Variants in NRXN2 observed in about 807,000 individuals in gnomAD.
NRXN2 encodes neurexin-2-beta.
NRXN2 carries 29 observed loss-of-function variants against 128.8 expected under a neutral mutation model. That is an observed-to-expected ratio of 0.23 (90% CI 0.17 to 0.31). NRXN2 has a LOEUF of 0.31. NRXN2 is among the 10% of genes least tolerant of loss of function. The pLI is 1.00. For synonymous variants in NRXN2, 1,098 were observed against 1,075.2 expected, an observed-to-expected ratio of 1.02 and a Z score of -0.41; for missense variants, 1,881 against 2,452.6, an observed-to-expected ratio of 0.77 and a Z score of 4.92.
intron 6 of NRXN2, among the ~76,000 whole-genome samples, chr11:64,682,240 T>C (rs952047211): frequency 6.0e-5 from 9 of 150,142 alleles, no homozygotes; most frequent in East Asian, 4.0e-4. Flanking sequence ...TCCCCCATTA[T>C]TGGGGACTCC....
At chr11:64,640,273 C>T (rs573125408) in intron 17 of NRXN2, among the ~76,000 whole-genome samples, 215 of 152,330 alleles carry the variant, frequency 1.4e-3, no homozygotes, top group African/African-American at 4.9e-3. Context: ...TGCTCCTTCA[C>T]GGAATCTTCC....
At chr11:64,688,400 A>C (rs1328761244) in intron 5 of NRXN2, 1 of 985,326 alleles carries the variant, frequency 1.0e-6, no homozygotes, top group Non-Finnish European at 1.2e-6. Context: ...GCAAGTGTGG[A>C]AAGAAAACCC....
At position 64,648,629 on chromosome 11, in the gene NRXN2, G is replaced by A; in HGVS notation, c.3283+105C>T. On this transcript the variant is annotated intron_variant, in intron 16 of 22. Coordinates refer to ENST00000265459, the MANE Select transcript of NRXN2 (RefSeq NM_015080.4). The surrounding 1 kb of genome is among the most constrained non-coding windows in gnomAD (Gnocchi z 4.1). ...GGCAAGCTCCCATAAGGCCTGAGAA[G>A]GAAGGCCCCTTGGCAGAGCAAAGGC... 1.4e-6 allele frequency: 2 copies of A among 1,477,990 alleles called. No homozygotes were observed. Among genetic ancestry groups the A allele is most frequent in the South Asian group, 2.3e-5 (2 of 87,308 alleles). The allele number at this position is 1,477,990 out of a possible 1,614,324, so 91.6% of individuals were successfully genotyped here.
At chr11:64,612,649 G>C (rs1051725521) in intron 22 of NRXN2, among the ~76,000 whole-genome samples, 1 of 152,226 alleles carries the variant, frequency 6.6e-6, no homozygotes, top group Non-Finnish European at 1.5e-5. Flanking sequence ...TTAGGGCACA[G>C]AAGGCCCCTG....
At chr11:64,699,762 G>A (rs1248178718) in intron 2 of NRXN2, among the ~76,000 whole-genome samples, 1 of 152,100 alleles carries the variant, frequency 6.6e-6, no homozygotes, top group Non-Finnish European at 1.5e-5. Context: ...GGGGGAGCTG[G>A]CTAATAAAGG....
At chr11:64,641,244 C>T (rs57387921) in intron 17 of NRXN2, among the ~76,000 whole-genome samples, 17,053 of 151,522 alleles carry the variant, frequency 0.11, 1,462 homozygotes, top group East Asian at 0.29. Flanking sequence ...TGAGATGGGA[C>T]AGGATGGGAT....
At position 64,648,891 on chromosome 11, in the gene NRXN2, G is replaced by A. The variant is rs369786339; in HGVS notation, c.3126C>T (p.Gly1042=). The A allele has an allele frequency of 1.5e-5, 24 of 1,614,034 alleles. No homozygotes were observed. The highest frequency in any genetic ancestry group is 3.3e-4 in the Middle Eastern group (2 of 6,084). The change falls in exon 16 of 23, where the codon GGC becomes GGT. Residue 1042 remains glycine (G), a synonymous_variant. Coordinates refer to ENST00000265459, the MANE Select transcript of NRXN2 (RefSeq NM_015080.4). This position sits in a 1 kb window ranked among gnomAD's most constrained non-coding sequence, Gnocchi z 4.1. Reference sequence around the variant, plus strand: ...TGCTGAACATATTCTTGCTCAGACCGCCAATGTACAACTCCCCTGCAAAGG... The same window carrying A: ...TGCTGAACATATTCTTGCTCAGACCACCAATGTACAACTCCCCTGCAAAGG... ...NLDLKGELYI[G]GLSKNMFSNL...
chr11:64,668,417 T>A (rs2050184011), intron 8 of NRXN2, 26 bp downstream of exon 8: 2 of 1,612,332 alleles, frequency 1.2e-6, no homozygotes, highest in Non-Finnish European at 1.7e-6. Flanking sequence ...CTGAACAGCC[T>A]GCAGCCCCTC....
chr11:64,615,865 T>C (rs2041417265), intron 22 of NRXN2, among the ~76,000 whole-genome samples: 1 of 143,174 alleles, frequency 7.0e-6, no homozygotes, highest in Admixed American at 7.3e-5. Context: ...TGTGTGTGTG[T>C]GTGTATGTGT....
At chr11:64,618,009 C>T (rs1437384402) in intron 22 of NRXN2, among the ~76,000 whole-genome samples, 1 of 152,164 alleles carries the variant, frequency 6.6e-6, no homozygotes, top group Non-Finnish European at 1.5e-5. Flanking sequence ...CCCTCTCTAT[C>T]CCAGGCTTCT....
chr11:64,672,838 A>G (rs2050807158), intron 7 of NRXN2, among the ~76,000 whole-genome samples: 2 of 152,216 alleles, frequency 1.3e-5, no homozygotes, highest in South Asian at 2.1e-4. Context: ...AAGACACACC[A>G]TGAAGATGGA....
At chr11:64,693,861 A>T (rs961103152) in intron 3 of NRXN2, among the ~76,000 whole-genome samples, 5 of 152,166 alleles carry the variant, frequency 3.3e-5, no homozygotes, top group African/African-American at 1.2e-4. Flanking sequence ...TTCATAAATT[A>T]CAGACCCCCT....
At chr11:64,710,601 T>C (rs1208671189) in intron 2 of NRXN2, among the ~76,000 whole-genome samples, 2 of 152,122 alleles carry the variant, frequency 1.3e-5, no homozygotes, top group African/African-American at 2.4e-5. Context: ...GAGCTTTCCC[T>C]CCATCAAATC....
At chr11:64,633,725 G>A (rs896990061) in intron 18 of NRXN2, among the ~76,000 whole-genome samples, 22 of 151,978 alleles carry the variant, frequency 1.4e-4, no homozygotes, top group South Asian at 4.2e-4. Context: ...TGTCACAGCC[G>A]TCACTCCTGA....
intron 17 of NRXN2, chr11:64,643,248 G>T (rs1049181223): frequency 4.1e-6 from 4 of 979,658 alleles, no homozygotes; most frequent in African/African-American, 1.8e-5. Flanking sequence ...AGAGAAGAGG[G>T]ACGGAGACCT....
In NRXN2 at chr11:64,607,296, G is replaced by A. The variant is rs145027171; in HGVS notation, c.5039C>T (p.Ser1680Leu). Residue 1680 changes from serine (S) to leucine (L), a missense_variant, in exon 23 of 23, where the codon TCG becomes TTG. Ser to Leu is a moderately radical substitution (Grantham distance 145, BLOSUM62 -2). Transcript: ENST00000265459. ...VDQSRNYISN[S>L]AQSNGAVVKE... ...CACCACCGCCCCATTGCTCTGGGCC[G>A]AGTTACTGATGTAGTTTCGGCTCTG... 1.9e-5 allele frequency: 31 copies of A among 1,613,906 alleles called. No individual in the cohort carries two copies. Among genetic ancestry groups the A allele is most frequent in the African/African-American group, 2.7e-5 (2 of 74,874 alleles).
chr11:64,607,149 G>C lies in NRXN2; in HGVS notation c.*47C>G, dbSNP rs1002971499. 1.0e-5 allele frequency: 16 copies of C among 1,592,142 alleles called. No individual in the cohort carries two copies. The South Asian group carries it at 1.7e-4, about 17-fold the overall frequency. ...GGGAGAGGGTGGCACCCTCCTCCCG[G>C]GCCCTCCCAGGAGGGGCAGCTGGCA... On this transcript the variant is annotated 3_prime_UTR_variant, in exon 23 of 23. Transcript: ENST00000265459.
Position 64,668,425 on chromosome 11 carries a change from C to T in NRXN2, c.1359+18G>A, listed in dbSNP as rs145026189. On this transcript the variant is annotated intron_variant, in intron 8 of 22. Coordinates refer to ENST00000265459, the MANE Select transcript of NRXN2 (RefSeq NM_015080.4). The stretch of plus-strand genomic sequence containing the variant: ...AGGGCTCCTGAACAGCCTGCAGCCC[C>T]TCCCTAGCCCTACTCACGTCCTTGA... 7.2e-4 allele frequency: 1,165 copies of T among 1,612,910 alleles called. 6 individuals carry two copies. The African/African-American group carries it at 0.014, about 20-fold the overall frequency.
chr11:64,619,032 C>T (rs2041939771), intron 22 of NRXN2, among the ~76,000 whole-genome samples: 1 of 152,164 alleles, frequency 6.6e-6, no homozygotes, highest in South Asian at 2.1e-4. Context: ...AAGGTCGTGG[C>T]CCACCCTCAG....
Sources: gnomAD v4.1 joint callset for allele counts (sites outside exome capture counted in the v4.1 genomes callset) on GRCh38, gnomAD v4.1.1 for gene constraint, Gnocchi (gnomAD v3.1) non-coding constraint, MANE v1.5 for transcripts, NCBI Gene and HGNC (gene_info 2026-07-23, HGNC 2026-07-21) for gene names.